DMD: variants seen among roughly 807,000 people sequenced by gnomAD.
DMD encodes mutant dystrophin.
In DMD, 63 loss-of-function variants were observed where a neutral mutation model predicts 330.1. The ratio of observed to expected loss-of-function variants is 0.19; its 90% CI spans 0.16 to 0.24. The LOEUF (loss-of-function observed/expected upper bound fraction) is 0.24. Ranked by LOEUF, DMD falls within the 10% of genes least tolerant of loss-of-function variation. The pLI, the probability that DMD is intolerant of heterozygous loss-of-function variation, is 1.00. For missense variants in DMD, 3,344 were observed against 2,684.1 expected, an observed-to-expected ratio of 1.25 and a Z score of -5.43; for synonymous variants, 1,223 against 959.8, an observed-to-expected ratio of 1.27 and a Z score of -5.07.
At chrX:32,646,995 G>A (rs1026436359) in intron 9 of DMD, among the ~76,000 whole-genome samples, 3 of 110,383 alleles carry the variant, frequency 2.7e-5, no homozygotes, top group South Asian at 3.9e-4. Context: ...TATCTCTTCC[G>A]TCTCTAAATA....
chrX:32,454,880 C>CATT, intron 25 of DMD, 48 bp from the exon 26 acceptor site: 1 of 1,161,340 alleles, frequency 8.6e-7, no homozygotes, highest in Non-Finnish European at 1.2e-6. Context: ...AGTGATGAAA[C>CATT]ATTATTATTA....
chrX:32,342,258 T>C lies in DMD; in HGVS notation c.5764A>G (p.Lys1922Glu). The change falls in exon 41 of 79, where the codon AAG (lysine) becomes GAG (glutamate). Residue 1922 changes from lysine to glutamate, a missense_variant. Transcript: ENST00000357033. ...CGCACTGCATTCAGCTCCTCTTTCTTCTTCTGCAATTCCCGATCAATTTCC... is the reference window on the plus strand; with the variant it reads ...CGCACTGCATTCAGCTCCTCTTTCTCCTTCTGCAATTCCCGATCAATTTCC... ...IKEIDRELQK[K>E]KEELNAVRRQ... is the part of the protein sequence containing the mutation. 8.3e-7 allele frequency: 1 copy of C among 1,211,466 alleles called. No homozygotes were observed.
chrX:32,499,607 T>G (rs1002531252), intron 19 of DMD, among the ~76,000 whole-genome samples: 2 of 111,579 alleles, frequency 1.8e-5, no homozygotes, highest in African/African-American at 6.5e-5. Context: ...TTATTATATC[T>G]CCATAGCCTA....
chrX:31,905,144 T>G (rs1171218711), intron 47 of DMD, among the ~76,000 whole-genome samples: 1 of 112,032 alleles, frequency 8.9e-6, no homozygotes, highest in African/African-American at 3.2e-5. Flanking sequence ...TTTCTAACAT[T>G]AATTTTCAAA....
chrX:31,253,792 C>T (rs182808708), intron 63 of DMD, among the ~76,000 whole-genome samples: 1 of 112,089 alleles, frequency 8.9e-6, no homozygotes, highest in East Asian at 2.8e-4. Flanking sequence ...TTCTGAAGCT[C>T]TCTGCAAACC....
chrX:32,031,752 C>T (rs752386849), intron 44 of DMD, among the ~76,000 whole-genome samples: 25 of 111,609 alleles, frequency 2.2e-4, no homozygotes, highest in Non-Finnish European at 3.8e-4. Context: ...GGACAATATG[C>T]CATTAATATT....
At chrX:31,270,531 T>C (rs191724505) in intron 62 of DMD, among the ~76,000 whole-genome samples, 209 of 111,986 alleles carry the variant, frequency 1.9e-3, no homozygotes, top group Middle Eastern at 0.014. Context: ...ACAGCAGATG[T>C]GAGGGTAAAA....
intron 59 of DMD, among the ~76,000 whole-genome samples, chrX:31,446,916 G>A (rs1335203171): frequency 8.9e-6 from 1 of 111,776 alleles, no homozygotes; most frequent in Non-Finnish European, 1.9e-5. Context: ...GCATCTTTCA[G>A]TGATACAGGT....
In DMD at chrX:33,209,778, G is replaced by A. The variant is rs751682052; in HGVS notation, c.31+1504C>T. Among the ~76,000 whole-genome samples, 7 of 110,738 alleles carry A rather than the reference G, an allele frequency of 6.3e-5. No individual in the cohort carries two copies. In the South Asian group the frequency reaches 1.1e-3, roughly 18 times the overall value. ...TGTCCCAAAAAGATTACCTTTCTTC[G>A]CATTCTAAGAATTGAAAGTTATTTG... On this transcript the variant is annotated intron_variant, in intron 1 of 78. Coordinates refer to ENST00000357033, the MANE Select transcript of DMD (RefSeq NM_004006.3).
chrX:32,823,001 A>G (rs954425916), intron 5 of DMD, among the ~76,000 whole-genome samples: 5 of 111,912 alleles, frequency 4.5e-5, no homozygotes, highest in Non-Finnish European at 9.4e-5. Context: ...AAGTTATAGA[A>G]CATACATTTG....
chrX:32,472,499 T>G (rs1024516027), intron 21 of DMD, among the ~76,000 whole-genome samples, 190 bp from the exon 22 acceptor site: 1 of 111,866 alleles, frequency 8.9e-6, no homozygotes, highest in Non-Finnish European at 1.9e-5. Context: ...CCAGGGACCT[T>G]ACACATATTA....
chrX:31,215,795 G>A (rs1360128616), intron 64 of DMD, among the ~76,000 whole-genome samples: 1 of 112,392 alleles, frequency 8.9e-6, no homozygotes, highest in Non-Finnish European at 1.9e-5. Context: ...ATTAGTGGGT[G>A]GAGGGACAAT....
rs1217306495 is a variant in DMD at position 32,939,204 on chromosome X, A to ATATATATATTTGAGATATATATG, written c.93+80912_93+80934dup. 4.1e-4 allele frequency among the ~76,000 whole-genome samples: 44 copies of ATATATATATTTGAGATATATATG among 107,053 alleles called. 1 individual carries two copies. Among genetic ancestry groups the ATATATATATTTGAGATATATATG allele is most frequent in the African/African-American group, 1.3e-3 (40 of 29,786 alleles). The allele number at this position is 107,053 out of a possible 115,157, so 93.0% of individuals were successfully genotyped here. A position where few individuals can be genotyped will look rare whatever the true frequency, so the allele number is the denominator to read the frequency against. On this transcript the variant is annotated intron_variant, in intron 2 of 78. Transcript: ENST00000357033. Reference sequence around the variant, plus strand: ...TAATCTTCTAAATATATATGTGTATATATATATATTTGAGATATATATGTA... The same window carrying ATATATATATTTGAGATATATATG: ...TAATCTTCTAAATATATATGTGTATATATATATATTTGAGATATATATGTATATATATTTGAGATATATATGTA...
chrX:31,367,154 G>A (rs1425959255), intron 60 of DMD, among the ~76,000 whole-genome samples: 2 of 111,077 alleles, frequency 1.8e-5, no homozygotes, highest in Non-Finnish European at 3.8e-5. Context: ...GGGGCTCATT[G>A]GATAAGTATG....
chrX:32,506,720 A>T (rs1213923597), intron 18 of DMD, among the ~76,000 whole-genome samples: 2 of 111,382 alleles, frequency 1.8e-5, no homozygotes, highest in Admixed American at 9.5e-5. Context: ...CAAAGCACCC[A>T]GTTTGTGGTA....
chrX:33,233,688 C>G (rs2052427601), intron 1 of DMD, among the ~76,000 whole-genome samples: 1 of 111,284 alleles, frequency 9.0e-6, no homozygotes, highest in African/African-American at 3.3e-5. Context: ...TATTAAAGGT[C>G]AACAGGAGAG....
chrX:32,988,235 A>G (rs778223344), intron 2 of DMD, among the ~76,000 whole-genome samples: 1 of 111,195 alleles, frequency 9.0e-6, no homozygotes, highest in African/African-American at 3.3e-5. Context: ...ATAGCAACCA[A>G]AATTCTTTCT....
At chrX:32,127,911 A>G (rs2096669648) in intron 44 of DMD, among the ~76,000 whole-genome samples, 1 of 112,268 alleles carries the variant, frequency 8.9e-6, no homozygotes, top group African/African-American at 3.2e-5. Context: ...TGATTGGACC[A>G]TAAATGCAAA....
chrX:31,459,735 T>G (rs2066417285), intron 59 of DMD, among the ~76,000 whole-genome samples: 1 of 112,107 alleles, frequency 8.9e-6, no homozygotes, highest in South Asian at 3.7e-4. Context: ...TAAGAGAATT[T>G]GGCGTTTCAG....
Sources: gnomAD v4.1 joint callset for allele counts (sites outside exome capture counted in the v4.1 genomes callset) on GRCh38, gnomAD v4.1.1 for gene constraint, MANE v1.5 for transcripts, NCBI Gene and HGNC (gene_info 2026-07-23, HGNC 2026-07-21) for gene names.